DOCK1: variants seen among roughly 807,000 people sequenced by gnomAD.
DOCK1 encodes dedicator of cytokinesis 1.
In DOCK1, 138 loss-of-function variants were observed where a neutral mutation model predicts 262.7. The observed-to-expected ratio is 0.53, with a 90% CI of 0.46 to 0.61. The LOEUF (loss-of-function observed/expected upper bound fraction) is 0.61, where lower values mean the gene tolerates loss of function less well. Among genes scored for constraint, DOCK1 ranks in the 20% least tolerant of loss-of-function variants. DOCK1 has a pLI of 0.00. For missense variants in DOCK1, 1,908 were observed against 2,370.7 expected (o/e 0.80, Z 4.05); for synonymous variants, 866 against 867.4 (o/e 1.00, Z 0.03).
At chr10:126,928,505 T>TGGAGG (rs2033942893) in intron 1 of DOCK1, among the ~76,000 whole-genome samples, 1 of 151,794 alleles carries the variant, frequency 6.6e-6, no homozygotes, top group African/African-American at 2.4e-5. Context: ...CTCAGCTGTG[T>TGGAGG]CCTGAGAGCT....
rs375994214 is a variant in DOCK1, at chr10:127,439,080, A to G, written c.5114A>G (p.Lys1705Arg). The change falls in exon 49 of 52, where the codon AAG becomes AGG. Residue 1705 changes from lysine to arginine, a missense_variant. Physicochemically the swap from Lys to Arg is conservative, Grantham distance 26. Around this residue, in one of 9 missense-constraint regions of DOCK1, gnomAD observed 383 missense variants for 420.1 expected, o/e 0.91. Transcript: ENST00000623213. ...AAAATGCACTCCAGGTCCCAGGACAAGCTGGACAAGGATGACCTGGAGAAG... is the reference window on the plus strand; with the variant it reads ...AAAATGCACTCCAGGTCCCAGGACAGGCTGGACAAGGATGACCTGGAGAAG... ...PKKMHSRSQD[K>R]LDKDDLEKEK... 40 of 1,560,568 alleles carry G rather than the reference A, an allele frequency of 2.6e-5. No homozygotes were observed. The African/African-American group carries it at 5.2e-4, about 20-fold the overall frequency.
intron 50 of DOCK1, 93 bp downstream of exon 50, chr10:127,444,372 C>CT: frequency 7.1e-7 from 1 of 1,414,738 alleles, no homozygotes; most frequent in Non-Finnish European, 9.4e-7. Flanking sequence ...TCCTCCCTCC[C>CT]CTTGCAGCAG....
chr10:127,110,450 G>A lies in DOCK1; in HGVS notation c.2623+96G>A, dbSNP rs1054648330. On this transcript the variant is annotated intron_variant, in intron 25 of 51. Transcript: ENST00000623213. The stretch of plus-strand genomic sequence containing the variant: ...GCCTCTTCTTGACAAAAGGAGTAGA[G>A]GCTGCAACCAATTAAAACTGCTGTA... 23 of 1,114,172 alleles carry A rather than the reference G, an allele frequency of 2.1e-5. No individual in the cohort carries two copies. The East Asian group carries it at 4.9e-4, about 24-fold the overall frequency. The allele number at this position is 1,114,172 out of a possible 1,614,324, so 69.0% of individuals were successfully genotyped here.
In DOCK1 at chr10:127,052,778, T is replaced by G. The variant is rs760112759; in HGVS notation, c.2299T>G (p.Phe767Val). ...YKAMKALESI[F>V]KFIVRSRILF... ...AGCCATGAAAGCGCTAGAATCCATCTTCAAGTTCATCGTGCGCTCCAGGAT... is the reference window on the plus strand; with the variant it reads ...AGCCATGAAAGCGCTAGAATCCATCGTCAAGTTCATCGTGCGCTCCAGGAT... Residue 767 changes from phenylalanine (F) to valine (V), a missense_variant, in exon 22 of 52, where the codon TTC (phenylalanine) becomes GTC (valine). Physicochemically the swap from Phe to Val is conservative, Grantham distance 50 (BLOSUM62 -1). This residue lies in a region of DOCK1 where 518 missense variants were observed against 575.1 expected (regional missense o/e 0.90). Coordinates refer to ENST00000623213, the MANE Select transcript of DOCK1 (RefSeq NM_001290223.2). 3.7e-6 allele frequency: 6 copies of G among 1,613,946 alleles called. No homozygotes were observed. Among genetic ancestry groups the G allele is most frequent in the Non-Finnish European group, 5.1e-6 (6 of 1,179,864 alleles).
rs185524097 is a variant in DOCK1, at chr10:127,380,717, G to T, written c.3717-561G>T. 2.0e-3 allele frequency among the ~76,000 whole-genome samples: 300 copies of T among 152,246 alleles called. 2 individuals carry two copies. Among genetic ancestry groups the T allele is most frequent in the African/African-American group, 7.0e-3 (292 of 41,538 alleles). Reference sequence around the variant, plus strand: ...AATAATTAGCAAGATTACCACTCTGGAGACTAGGAGAAGGATGTAACCTAC... The same window carrying T: ...AATAATTAGCAAGATTACCACTCTGTAGACTAGGAGAAGGATGTAACCTAC... On this transcript the variant is annotated intron_variant, in intron 36 of 51. Transcript: ENST00000623213.
rs77195516 is a variant in DOCK1, at chr10:127,227,083, C to T, written c.2848-20925C>T. On this transcript the variant is annotated intron_variant, in intron 27 of 51. Coordinates refer to ENST00000623213, the MANE Select transcript of DOCK1 (RefSeq NM_001290223.2). Reference sequence around the variant, plus strand: ...TTGTTTTTATTAACGAATGAGTACACGATCCCAGGAATCTCGTTGAAGTCC... The same window carrying T: ...TTGTTTTTATTAACGAATGAGTACATGATCCCAGGAATCTCGTTGAAGTCC... Among the ~76,000 whole-genome samples the T allele has an allele frequency of 6.0e-3, 920 of 152,314 alleles. 15 individuals carry two copies. The highest frequency in any genetic ancestry group is 0.021 in the African/African-American group (875 of 41,574).
At chr10:127,433,205 G>C in intron 47 of DOCK1, 78 bp from the exon 48 acceptor site, 4 of 1,577,472 alleles carry the variant, frequency 2.5e-6, no homozygotes, top group Non-Finnish European at 2.6e-6. Flanking sequence ...CACAGCTAAG[G>C]CCACTTTATC....
intron 23 of DOCK1, among the ~76,000 whole-genome samples, chr10:127,081,530 G>A (rs544592082): frequency 1.3e-5 from 2 of 152,060 alleles, no homozygotes; most frequent in Non-Finnish European, 2.9e-5. Context: ...TGTGTTTCTT[G>A]TGTGTTTCTG....
At chr10:127,006,368 C>T (rs916035279) in intron 10 of DOCK1, among the ~76,000 whole-genome samples, 2 of 152,218 alleles carry the variant, frequency 1.3e-5, no homozygotes, top group African/African-American at 2.4e-5. Flanking sequence ...CACGCGGTGC[C>T]GTCTGTCTAC....
intron 32 of DOCK1, 114 bp from the exon 33 acceptor site, chr10:127,361,950 G>T: frequency 8.3e-7 from 1 of 1,208,934 alleles, no homozygotes; most frequent in Non-Finnish European, 1.1e-6. Flanking sequence ...GCACATTTTC[G>T]GGATCCTGCT....
At chr10:126,986,780 G>C (rs561963326) in intron 4 of DOCK1, among the ~76,000 whole-genome samples, 5 of 152,102 alleles carry the variant, frequency 3.3e-5, no homozygotes, top group Non-Finnish European at 1.5e-5. Flanking sequence ...CATGGTGGTG[G>C]GCACCTGTAG....
chr10:127,111,896 C>T (rs372589620), intron 25 of DOCK1, among the ~76,000 whole-genome samples: 4 of 152,098 alleles, frequency 2.6e-5, no homozygotes, highest in Admixed American at 6.6e-5. Flanking sequence ...GTTGATTTAA[C>T]GAAGATCTTC....
chr10:127,114,092 G>A (rs2049028266), intron 25 of DOCK1, among the ~76,000 whole-genome samples: 1 of 152,146 alleles, frequency 6.6e-6, no homozygotes, highest in African/African-American at 2.4e-5. Context: ...GCTCCTCATG[G>A]CACGCCCCCC....
intron 29 of DOCK1, among the ~76,000 whole-genome samples, chr10:127,298,917 C>A (rs1045873844): frequency 6.6e-6 from 1 of 152,078 alleles, no homozygotes; most frequent in African/African-American, 2.4e-5. Context: ...TTCGGATGAT[C>A]TCGAGGTGGT....
intron 26 of DOCK1, among the ~76,000 whole-genome samples, chr10:127,126,340 C>T (rs1167477): frequency 0.71 from 107,865 of 151,904 alleles, 42,322 homozygotes; most frequent in South Asian, 0.89. Flanking sequence ...CGTGATCCAC[C>T]TGCCTCGGCC....
intron 1 of DOCK1, among the ~76,000 whole-genome samples, chr10:126,930,842 T>C (rs2134179468): frequency 6.6e-6 from 1 of 152,238 alleles, no homozygotes; most frequent in South Asian, 2.1e-4. Context: ...TCTAGGTGAG[T>C]ACCCCCTACT....
intron 25 of DOCK1, among the ~76,000 whole-genome samples, chr10:127,120,161 G>A (rs941868587): frequency 2.6e-5 from 4 of 152,170 alleles, no homozygotes; most frequent in Non-Finnish European, 5.9e-5. Flanking sequence ...TAGCTTCCTC[G>A]TAGGTCACCG....
intron 2 of DOCK1, among the ~76,000 whole-genome samples, chr10:126,975,273 T>C (rs2038434927): frequency 6.6e-6 from 1 of 152,154 alleles, no homozygotes; most frequent in South Asian, 2.1e-4. Flanking sequence ...TGTCCCCGCT[T>C]CCCACCACCC....
At chr10:127,155,277 A>G (rs2052928707) in intron 27 of DOCK1, among the ~76,000 whole-genome samples, 1 of 152,170 alleles carries the variant, frequency 6.6e-6, no homozygotes, top group East Asian at 1.9e-4. Context: ...AACATTTGAC[A>G]AAAGGATTGT....
Sources: gnomAD v4.1 joint callset for allele counts (sites outside exome capture counted in the v4.1 genomes callset) on GRCh38, gnomAD v4.1.1 for gene constraint, gnomAD v4.1.1 regional missense constraint, MANE v1.5 for transcripts, NCBI Gene and HGNC (gene_info 2026-07-23, HGNC 2026-07-21) for gene names.